Variants in MAGI2 observed in about 807,000 individuals in gnomAD.
The protein encoded by MAGI2 is membrane associated guanylate kinase, WW and PDZ domain containing 2, also known as membrane-associated guanylate kinase, WW and PDZ domain-containing protein 2.
In MAGI2, 35 loss-of-function variants were observed where a neutral mutation model predicts 133.3. The observed-to-expected ratio is 0.26, with a 90% CI of 0.20 to 0.35. The LOEUF is 0.35. Among genes scored for constraint, MAGI2 ranks in the 10% least tolerant of loss-of-function variants. The pLI, the probability that MAGI2 is intolerant of heterozygous loss-of-function variation, is 1.00. For missense variants in MAGI2, 1,636 were observed against 1,863.4 expected (o/e 0.88, Z 2.25); for synonymous variants, 729 against 710.6 (o/e 1.03, Z -0.41).
At chr7:78,616,062 TTA>T (rs1328257943) in intron 3 of MAGI2, 3 of 152,146 alleles carry the variant, frequency 2.0e-5, no homozygotes, top group Admixed American at 6.5e-5. Context: ...CTATCCTTCC[TTA>T]TAGTTTATCA....
intron 1 of MAGI2, among the ~76,000 whole-genome samples, chr7:79,150,943 C>T (rs906908917): frequency 4.6e-5 from 7 of 151,916 alleles, no homozygotes; most frequent in African/African-American, 1.4e-4. Flanking sequence ...AAAAATGTTT[C>T]ACACTTATTT....
chr7:79,415,699 G>A (rs546521671), intron 1 of MAGI2: 1 of 152,252 alleles, frequency 6.6e-6, no homozygotes, highest in Admixed American at 6.5e-5. Flanking sequence ...ATGGACACCA[G>A]ATTAAACAGT....
intron 6 of MAGI2, among the ~76,000 whole-genome samples, chr7:78,387,798 C>T (rs981510576): frequency 5.9e-5 from 9 of 152,056 alleles, no homozygotes; most frequent in South Asian, 4.2e-4. Context: ...TGATGGCACG[C>T]GCCTGTAGTT....
chr7:78,690,245 G>T (rs76856597), intron 2 of MAGI2, among the ~76,000 whole-genome samples: 1 of 152,064 alleles, frequency 6.6e-6, no homozygotes, highest in African/African-American at 2.4e-5. Flanking sequence ...CACACTTAGC[G>T]AATGTGCTAA....
intron 20 of MAGI2, among the ~76,000 whole-genome samples, chr7:78,112,555 C>T (rs557425846): frequency 1.2e-4 from 19 of 152,330 alleles, no homozygotes; most frequent in African/African-American, 3.6e-4. Context: ...CAGTTACCTG[C>T]GCAATCCCAT....
intron 1 of MAGI2, among the ~76,000 whole-genome samples, chr7:79,190,615 C>A (rs575954332): frequency 6.9e-4 from 105 of 151,722 alleles, no homozygotes; most frequent in Non-Finnish European, 1.4e-3. Flanking sequence ...AGTATTAATA[C>A]TTTCTCATAC....
At chr7:78,487,077 C>A in intron 6 of MAGI2, 1 of 418,560 alleles carries the variant, frequency 2.4e-6, no homozygotes, top group Non-Finnish European at 4.7e-6. Flanking sequence ...TGATAGGCTA[C>A]GGTCCTGTTC....
intron 2 of MAGI2, among the ~76,000 whole-genome samples, chr7:78,922,571 T>C (rs1052345225): frequency 3.3e-5 from 5 of 152,120 alleles, no homozygotes; most frequent in African/African-American, 1.2e-4. Context: ...ATGTGCCACA[T>C]TTTCTTAATC....
intron 1 of MAGI2, among the ~76,000 whole-genome samples, chr7:79,193,424 A>G (rs1402627058): frequency 6.6e-6 from 1 of 152,000 alleles, no homozygotes; most frequent in Non-Finnish European, 1.5e-5. Flanking sequence ...TTGAATTAAC[A>G]TTGTATAGTA....
chr7:78,242,094 A>C (rs1239667193), intron 10 of MAGI2, among the ~76,000 whole-genome samples: 1 of 152,208 alleles, frequency 6.6e-6, no homozygotes, highest in Non-Finnish European at 1.5e-5. Context: ...ATTCCTGGAC[A>C]CACAAGAACG....
intron 2 of MAGI2, among the ~76,000 whole-genome samples, chr7:78,691,597 T>C (rs1563361158): frequency 6.6e-6 from 1 of 152,074 alleles, no homozygotes; most frequent in Non-Finnish European, 1.5e-5. Context: ...TGTACAAAAG[T>C]CATATTCTAG....
At chr7:79,196,424 C>G (rs1181637895) in intron 1 of MAGI2, among the ~76,000 whole-genome samples, 1 of 151,922 alleles carries the variant, frequency 6.6e-6, no homozygotes, top group African/African-American at 2.4e-5. Flanking sequence ...TATTCACCTG[C>G]TATATTTCAA....
At chr7:78,592,987 C>T (rs974305215) in intron 3 of MAGI2, among the ~76,000 whole-genome samples, 13 of 151,676 alleles carry the variant, frequency 8.6e-5, no homozygotes, top group Admixed American at 8.5e-4. Flanking sequence ...GTACTTGCCA[C>T]CACACCAAGC....
intron 2 of MAGI2, among the ~76,000 whole-genome samples, chr7:78,882,000 A>T (rs1795879021): frequency 6.7e-6 from 1 of 148,876 alleles, no homozygotes; most frequent in Admixed American, 6.8e-5. Context: ...ACCCATACCA[A>T]ATGATCAGGG....
chr7:78,746,536 G>A (rs1053277597), intron 2 of MAGI2, among the ~76,000 whole-genome samples: 1 of 152,178 alleles, frequency 6.6e-6, no homozygotes, highest in African/African-American at 2.4e-5. Context: ...TGTTTAATGA[G>A]TTCCAAAGAG....
At chr7:78,348,276 T>C (rs1268469351) in intron 7 of MAGI2, 1 of 152,154 alleles carries the variant, frequency 6.6e-6, no homozygotes, top group Non-Finnish European at 1.5e-5. Context: ...TAAGCTTCAA[T>C]ATCTTTATCT....
At chr7:78,962,773 T>G (rs1802958743) in intron 2 of MAGI2, among the ~76,000 whole-genome samples, 1 of 151,996 alleles carries the variant, frequency 6.6e-6, no homozygotes, top group Admixed American at 6.6e-5. Context: ...AATTATAGAC[T>G]TACAGAGAAA....
chr7:79,096,959 C>A (rs543493692), intron 1 of MAGI2, among the ~76,000 whole-genome samples: 3 of 152,258 alleles, frequency 2.0e-5, no homozygotes, highest in Admixed American at 1.3e-4. Context: ...TTCGTTATCT[C>A]CCCAATGATC....
intron 9 of MAGI2, among the ~76,000 whole-genome samples, chr7:78,306,856 G>A (rs1278934070): frequency 6.6e-6 from 1 of 152,106 alleles, no homozygotes; most frequent in Non-Finnish European, 1.5e-5. Context: ...GCTAGTGCAA[G>A]TAACTTACAA....
Sources: gnomAD v4.1 joint callset for allele counts (sites outside exome capture counted in the v4.1 genomes callset) on GRCh38, gnomAD v4.1.1 for gene constraint, MANE v1.5 for transcripts, NCBI Gene and HGNC (gene_info 2026-07-23, HGNC 2026-07-21) for gene names.